TRDN: variants seen among roughly 807,000 people sequenced by gnomAD.
TRDN encodes the protein triadin in skeletal muscle.
TRDN carries 161 observed loss-of-function variants against 149.7 expected under a neutral mutation model. The ratio of observed to expected loss-of-function variants is 1.08; its 90% CI spans 0.95 to 1.23. TRDN has a LOEUF of 1.23. TRDN is among the 50% of genes most tolerant of loss of function. TRDN has a pLI of 0.00. For missense variants in TRDN, 896 were observed against 823.5 expected, an observed-to-expected ratio of 1.09 and a Z score of -1.08; for synonymous variants, 294 against 250.5, an observed-to-expected ratio of 1.17 and a Z score of -1.64.
chr6:123,628,577 G>T (rs1047798726), intron 1 of TRDN, among the ~76,000 whole-genome samples: 3 of 152,090 alleles, frequency 2.0e-5, no homozygotes, highest in Non-Finnish European at 4.4e-5. Flanking sequence ...TGGAAAAATG[G>T]TGGTGATAGC....
chr6:123,341,578 A>C (rs1011382304), intron 21 of TRDN, among the ~76,000 whole-genome samples: 4 of 151,896 alleles, frequency 2.6e-5, no homozygotes, highest in Admixed American at 2.6e-4. Flanking sequence ...AAAAAGCATA[A>C]TATAAAATTT....
chr6:123,348,830 A>G (rs1293735197), intron 21 of TRDN, among the ~76,000 whole-genome samples: 1 of 152,080 alleles, frequency 6.6e-6, no homozygotes, highest in Non-Finnish European at 1.5e-5. Context: ...CTTTTATATA[A>G]TCTTGTCTAG....
At chr6:123,396,363 T>C (rs543968740) in intron 12 of TRDN, among the ~76,000 whole-genome samples, 147 of 152,320 alleles carry the variant, frequency 9.7e-4, no homozygotes, top group African/African-American at 3.3e-3. Context: ...CCACTACACA[T>C]ATTCTAATGA....
chr6:123,319,330 G>T (rs951106796), intron 23 of TRDN, among the ~76,000 whole-genome samples: 2 of 151,596 alleles, frequency 1.3e-5, no homozygotes, highest in Admixed American at 1.3e-4. Context: ...CTTTTATTAG[G>T]CTACTTGATT....
At chr6:123,245,281 A>G (rs938298255) in intron 38 of TRDN, among the ~76,000 whole-genome samples, 4 of 152,180 alleles carry the variant, frequency 2.6e-5, no homozygotes, top group East Asian at 1.9e-4. Context: ...AAATGCCCCA[A>G]TTAAAAAACA....
At chr6:123,242,493 A>G (rs1376161455) in intron 38 of TRDN, among the ~76,000 whole-genome samples, 1 of 152,142 alleles carries the variant, frequency 6.6e-6, no homozygotes, top group Non-Finnish European at 1.5e-5. Flanking sequence ...ATAAAAATCA[A>G]ATGAATATTT....
At chr6:123,330,345 A>T (rs995452253) in intron 23 of TRDN, among the ~76,000 whole-genome samples, 1 of 152,066 alleles carries the variant, frequency 6.6e-6, no homozygotes, top group Non-Finnish European at 1.5e-5. Flanking sequence ...TTTAAGATGA[A>T]TTAATGTTTT....
intron 14 of TRDN, among the ~76,000 whole-genome samples, chr6:123,387,641 A>C (rs1180372638): frequency 6.6e-6 from 1 of 152,178 alleles, no homozygotes; most frequent in African/African-American, 2.4e-5. Flanking sequence ...AAAAGATCTC[A>C]GAGACCCACA....
At chr6:123,591,588 T>C (rs370826703) in intron 1 of TRDN, among the ~76,000 whole-genome samples, 3 of 152,306 alleles carry the variant, frequency 2.0e-5, no homozygotes, top group South Asian at 2.1e-4. Flanking sequence ...GAACAGATCA[T>C]GATAGTTTTG....
chr6:123,459,265 C>T (rs1480268645), intron 10 of TRDN, among the ~76,000 whole-genome samples: 1 of 152,150 alleles, frequency 6.6e-6, no homozygotes, highest in East Asian at 1.9e-4. Flanking sequence ...ATTAATCAAG[C>T]CCCATGTCCT....
intron 24 of TRDN, among the ~76,000 whole-genome samples, chr6:123,313,437 T>G (rs1027105880): frequency 6.6e-6 from 1 of 152,032 alleles, no homozygotes; most frequent in Non-Finnish European, 1.5e-5. Context: ...ACCTTCAATC[T>G]TTGAGGTTGC....
chr6:123,462,256 G>A (rs550617369), intron 10 of TRDN: 25 of 152,242 alleles, frequency 1.6e-4, no homozygotes, highest in African/African-American at 4.8e-4. Context: ...GACAAAGCAC[G>A]CAATGTGGGG....
Position 123,585,052 on chromosome 6 carries a change from A to C in TRDN, c.23-13920T>G, listed in dbSNP as rs543496728. On this transcript the variant is annotated intron_variant, in intron 1 of 40. Transcript: ENST00000334268. ...GGGATGGGATATTGGCATTGATTGG[A>C]GTAAGGGTGATTAGGTTTTAATGAG... Among the ~76,000 whole-genome samples the C allele has an allele frequency of 5.3e-5, 8 of 150,752 alleles. No homozygotes were observed. The East Asian group carries it at 1.6e-3, about 29-fold the overall frequency.
At chr6:123,332,975 T>A (rs903134454) in intron 22 of TRDN, among the ~76,000 whole-genome samples, 1 of 152,102 alleles carries the variant, frequency 6.6e-6, no homozygotes, top group Non-Finnish European at 1.5e-5. Flanking sequence ...TAGAATTTTT[T>A]TTAATGTCTT....
At chr6:123,511,254 T>C (rs1425553485) in intron 7 of TRDN, among the ~76,000 whole-genome samples, 1 of 152,174 alleles carries the variant, frequency 6.6e-6, no homozygotes, top group Admixed American at 6.6e-5. Flanking sequence ...ATATATGTTA[T>C]TGGTGCTCAG....
chr6:123,288,998 G>A (rs1466952814), intron 24 of TRDN, among the ~76,000 whole-genome samples: 2 of 146,432 alleles, frequency 1.4e-5, no homozygotes, highest in African/African-American at 5.0e-5. Context: ...ACAAATATAT[G>A]GATTTAAAAA....
chr6:123,264,046 T>G (rs1479605725), intron 33 of TRDN, among the ~76,000 whole-genome samples: 2 of 152,088 alleles, frequency 1.3e-5, no homozygotes, highest in Admixed American at 6.6e-5. Flanking sequence ...AGATTAATAT[T>G]GCTTTCATGC....
intron 9 of TRDN, among the ~76,000 whole-genome samples, chr6:123,473,607 C>T (rs1334423601): frequency 1.3e-5 from 2 of 151,680 alleles, no homozygotes; most frequent in Non-Finnish European, 2.9e-5. Context: ...CACAAAGATA[C>T]TCCTCGAGAA....
In TRDN at chr6:123,217,522, C is replaced by T. The variant is rs1775002041; in HGVS notation, c.*1079G>A. 1 of 151,838 alleles carries T rather than the reference C, an allele frequency of 6.6e-6. No individual in the cohort carries two copies. The highest frequency in any genetic ancestry group is 2.1e-4 in the South Asian group (1 of 4,826). 9.4% of individuals were successfully genotyped at this position (151,838 alleles called of 1,614,324 possible). A position where few individuals can be genotyped will look rare whatever the true frequency, so the allele number is the denominator to read the frequency against. On this transcript the variant is annotated 3_prime_UTR_variant, in exon 41 of 41. Transcript: ENST00000334268. Reference sequence around the variant, plus strand: ...TATATTACCAGGAATATGACAAAAACATAACAGTCATTCCCAGGGATGCAC... The same window carrying T: ...TATATTACCAGGAATATGACAAAAATATAACAGTCATTCCCAGGGATGCAC...
Sources: gnomAD v4.1 joint callset for allele counts (sites outside exome capture counted in the v4.1 genomes callset) on GRCh38, gnomAD v4.1.1 for gene constraint, MANE v1.5 for transcripts, NCBI Gene and HGNC (gene_info 2026-07-23, HGNC 2026-07-21) for gene names.